Variants in COG5 observed in about 807,000 individuals in gnomAD.
The protein encoded by COG5 is conserved oligomeric Golgi complex subunit 5.
A neutral mutation model predicts 110.4 loss-of-function variants in COG5; 86 were observed. That is an observed-to-expected ratio of 0.78 (90% confidence interval 0.65 to 0.93). COG5 has a LOEUF of 0.93. Among genes scored for constraint, COG5 ranks in the 40% least tolerant of loss-of-function variants. The probability of loss-of-function intolerance (pLI) is 0.00; values close to 1 mark genes in which losing one functional copy is unlikely to be tolerated. For missense variants in COG5, 1,077 were observed against 987.0 expected (o/e 1.09, Z -1.22); for synonymous variants, 360 against 334.6 (o/e 1.08, Z -0.83).
chr7:107,407,420 T>G (rs1791932673), intron 7 of COG5, among the ~76,000 whole-genome samples: 1 of 152,042 alleles, frequency 6.6e-6, no homozygotes, highest in Non-Finnish European at 1.5e-5. Flanking sequence ...AAGACCATCA[T>G]CTAGTGTTTT....
chr7:107,331,869 T>C (rs1470330256), intron 10 of COG5, among the ~76,000 whole-genome samples: 1 of 135,140 alleles, frequency 7.4e-6, no homozygotes, highest in Non-Finnish European at 1.6e-5. Flanking sequence ...TGAGATGGAG[T>C]CCCACTCTGT....
At chr7:107,324,560 A>G in intron 10 of COG5, 39 bp from the exon 11 acceptor site, 2 of 1,248,398 alleles carry the variant, frequency 1.6e-6, no homozygotes, top group South Asian at 2.6e-5. Flanking sequence ...AAATAAAAAA[A>G]TGCATTTATT....
intron 11 of COG5, among the ~76,000 whole-genome samples, chr7:107,301,038 A>T (rs940496661): frequency 6.6e-6 from 1 of 152,232 alleles, no homozygotes; most frequent in East Asian, 1.9e-4. Context: ...TGCAAACACA[A>T]TTTAGTAGAC....
chr7:107,204,479 A>C (rs1488566065), intron 21 of COG5, among the ~76,000 whole-genome samples: 1 of 152,202 alleles, frequency 6.6e-6, no homozygotes, highest in African/African-American at 2.4e-5. Context: ...TTATTGGTCT[A>C]TTTAAGTACC....
chr7:107,387,622 T>C (rs1327695622), intron 7 of COG5, among the ~76,000 whole-genome samples: 2 of 152,174 alleles, frequency 1.3e-5, no homozygotes, highest in Admixed American at 6.5e-5. Flanking sequence ...CAGTAACCTC[T>C]GAAGGGAAAT....
At chr7:107,434,965 G>A (rs563779080) in intron 6 of COG5, among the ~76,000 whole-genome samples, 199 of 148,112 alleles carry the variant, frequency 1.3e-3, no homozygotes, top group Middle Eastern at 3.5e-3. Context: ...GCGAGACTCC[G>A]TCTTAAAAAA....
chr7:107,530,720 A>T (rs778985033), intron 5 of COG5, among the ~76,000 whole-genome samples: 26 of 152,280 alleles, frequency 1.7e-4, no homozygotes, highest in Middle Eastern at 3.4e-3. Flanking sequence ...CCATTTAATA[A>T]AATCCTTAGT....
intron 21 of COG5, chr7:107,208,829 AAC>A (rs1798953767): frequency 1.0e-6 from 1 of 985,352 alleles, no homozygotes. Flanking sequence ...CACTTCTGGA[AAC>A]AAAGCTGACA....
chr7:107,541,831 T>C (rs1356820286), intron 5 of COG5, among the ~76,000 whole-genome samples: 2 of 150,228 alleles, frequency 1.3e-5, no homozygotes, highest in African/African-American at 4.9e-5. Context: ...CTCAGGAGGC[T>C]GAGGCAGAAG....
At chr7:107,369,978 T>A (rs1359911000) in intron 8 of COG5, among the ~76,000 whole-genome samples, 2 of 152,218 alleles carry the variant, frequency 1.3e-5, no homozygotes, top group African/African-American at 4.8e-5. Context: ...AATGTGTTCT[T>A]CTGTGACCTG....
chr7:107,391,956 T>C (rs113524993), intron 7 of COG5, among the ~76,000 whole-genome samples: 4,075 of 152,242 alleles, frequency 0.027, 189 homozygotes, highest in African/African-American at 0.091. Flanking sequence ...CTGGGCATGG[T>C]GGCGGCCACC....
chr7:107,531,842 T>G (rs1801234101), intron 5 of COG5, among the ~76,000 whole-genome samples: 2 of 152,008 alleles, frequency 1.3e-5, no homozygotes, highest in Admixed American at 1.3e-4. Context: ...TTTCCCAAGT[T>G]TTAGGACTTT....
intron 8 of COG5, among the ~76,000 whole-genome samples, chr7:107,371,323 C>T (rs1814141180): frequency 6.6e-6 from 1 of 152,038 alleles, no homozygotes; most frequent in Non-Finnish European, 1.5e-5. Flanking sequence ...GGCATGGTGG[C>T]TCATGCCTGC....
intron 6 of COG5, among the ~76,000 whole-genome samples, chr7:107,417,660 T>A (rs1427595324): frequency 2.0e-5 from 3 of 152,164 alleles, no homozygotes; most frequent in African/African-American, 7.2e-5. Flanking sequence ...TTATATGCTT[T>A]TTCCAATAAT....
intron 11 of COG5, among the ~76,000 whole-genome samples, chr7:107,321,586 A>AC (rs1809288045): frequency 6.6e-6 from 1 of 152,204 alleles, no homozygotes; most frequent in Non-Finnish European, 1.5e-5. Flanking sequence ...ATTCAGAAAA[A>AC]TGGAACCAAA....
intron 17 of COG5, among the ~76,000 whole-genome samples, chr7:107,248,172 T>G (rs533850881): frequency 1.3e-5 from 2 of 152,058 alleles, no homozygotes; most frequent in Admixed American, 1.3e-4. Flanking sequence ...ATACTGTTCA[T>G]AAAGAAAAAG....
At chr7:107,275,209 T>C (rs1804603036) in intron 14 of COG5, among the ~76,000 whole-genome samples, 1 of 151,802 alleles carries the variant, frequency 6.6e-6, no homozygotes, top group Non-Finnish European at 1.5e-5. Flanking sequence ...AGTGGCTCAC[T>C]TTGGGAGGCC....
intron 12 of COG5, among the ~76,000 whole-genome samples, chr7:107,293,207 T>C (rs1806319062): frequency 6.6e-6 from 1 of 152,130 alleles, no homozygotes; most frequent in South Asian, 2.1e-4. Context: ...ACTTTGAGCC[T>C]GCCATACTCA....
chr7:107,216,922 A>G (rs1234011287), intron 19 of COG5, among the ~76,000 whole-genome samples: 7 of 152,122 alleles, frequency 4.6e-5, no homozygotes, highest in African/African-American at 1.7e-4. Context: ...AAACCAGGGG[A>G]AAAAATCAAC....
Sources: gnomAD v4.1 joint callset for allele counts (sites outside exome capture counted in the v4.1 genomes callset) on GRCh38, gnomAD v4.1.1 for gene constraint, MANE v1.5 for transcripts, NCBI Gene and HGNC (gene_info 2026-07-23, HGNC 2026-07-21) for gene names.